The following IGSF10 variants were observed in gnomAD, a reference collection of about 807,000 sequenced individuals.
IGSF10 encodes calvaria mechanical force protein 608.
Under a neutral mutation model 128.2 loss-of-function variants are expected in IGSF10, and 126 were observed. The ratio of observed to expected loss-of-function variants is 0.98; its 90% CI spans 0.85 to 1.14. The LOEUF is 1.14. IGSF10 is among the 50% of genes most tolerant of loss of function. The pLI is 0.00. For synonymous variants in IGSF10, 1,185 were observed against 1,146.2 expected, an observed-to-expected ratio of 1.03 and a Z score of -0.68; for missense variants, 3,295 against 3,149.8, an observed-to-expected ratio of 1.05 and a Z score of -1.10.
chr3:151,441,674 C>A (rs1240203639), intron 7 of IGSF10, among the ~76,000 whole-genome samples: 5 of 151,842 alleles, frequency 3.3e-5, no homozygotes, highest in South Asian at 2.1e-4. Flanking sequence ...AATGGAAAAC[C>A]ATTGTGTAAA....
the IGSF10 span, among the ~76,000 whole-genome samples, chr3:151,537,902 T>TA: frequency 6.6e-6 from 1 of 152,184 alleles, no homozygotes; most frequent in Non-Finnish European, 1.5e-5. Context: ...ATTATAGACA[T>TA]ACGTTCTTTC....
At chr3:151,560,305 T>C in the IGSF10 span, among the ~76,000 whole-genome samples, 1,695 of 152,148 alleles carry the variant, frequency 0.011, 30 homozygotes, top group African/African-American at 0.038. Flanking sequence ...AGACAACTTT[T>C]ATTCACCATA....
At chr3:151,549,395 T>G in the IGSF10 span, among the ~76,000 whole-genome samples, 1 of 152,232 alleles carries the variant, frequency 6.6e-6, no homozygotes, top group East Asian at 1.9e-4. Flanking sequence ...GTTGTTTAGC[T>G]GCATGGACTT....
At position 151,443,793 on chromosome 3, in the gene IGSF10, G is replaced by A. The variant is rs759777108; in HGVS notation, c.5154C>T (p.Arg1718=). 15 of 1,614,020 alleles carry A rather than the reference G, an allele frequency of 9.3e-6. No individual in the cohort carries two copies. Among genetic ancestry groups the A allele is most frequent in the Non-Finnish European group, 1.1e-5 (13 of 1,180,026 alleles). ...TGGATGCGGAACACAAGTACTGTCC[G>A]CGGTCCTGAATTTCCACCCTCTGGA... ...LSIQRVEIQD[R]GQYLCSASNL... Residue 1718 remains arginine, a synonymous_variant, in exon 7 of 8, where the codon CGC becomes CGT. Coordinates refer to ENST00000282466, the MANE Select transcript of IGSF10 (RefSeq NM_178822.5).
the IGSF10 span, among the ~76,000 whole-genome samples, chr3:151,572,917 G>T: frequency 2.0e-5 from 3 of 152,076 alleles, no homozygotes; most frequent in Non-Finnish European, 4.4e-5. Context: ...CTGGTATGTT[G>T]TGTCGTTGTG....
At chr3:151,597,576 A>G in the IGSF10 span, among the ~76,000 whole-genome samples, 1 of 152,220 alleles carries the variant, frequency 6.6e-6, no homozygotes, top group Non-Finnish European at 1.5e-5. Context: ...GGCACATAGA[A>G]ACCCATAAAT....
At chr3:151,552,855 G>A in the IGSF10 span, among the ~76,000 whole-genome samples, 1 of 152,244 alleles carries the variant, frequency 6.6e-6, no homozygotes, top group East Asian at 1.9e-4. Flanking sequence ...AATTAGTCAT[G>A]ATAGGCCTTC....
chr3:151,539,118 C>T, the IGSF10 span, among the ~76,000 whole-genome samples: 8 of 152,140 alleles, frequency 5.3e-5, no homozygotes. Flanking sequence ...TAAGGCTAGA[C>T]CTGCAAATAC....
the IGSF10 span, among the ~76,000 whole-genome samples, chr3:151,614,507 T>C: frequency 6.6e-6 from 1 of 152,192 alleles, no homozygotes; most frequent in African/African-American, 2.4e-5. Context: ...TATGATGAGT[T>C]CATGTCCTTT....
chr3:151,531,313 C>T, the IGSF10 span, among the ~76,000 whole-genome samples: 2 of 152,168 alleles, frequency 1.3e-5, no homozygotes, highest in African/African-American at 2.4e-5. Context: ...AGGACTTGAA[C>T]TCACCTCTGG....
At chr3:151,496,071 A>C in the IGSF10 span, among the ~76,000 whole-genome samples, 5 of 152,032 alleles carry the variant, frequency 3.3e-5, no homozygotes, top group Non-Finnish European at 7.4e-5. Context: ...GTTGAATATA[A>C]GGCCTTTCTA....
chr3:151,542,912 T>C, the IGSF10 span, among the ~76,000 whole-genome samples: 1 of 152,352 alleles, frequency 6.6e-6, no homozygotes, highest in East Asian at 1.9e-4. Context: ...TAGCTTTTTT[T>C]CTGACATTGC....
the IGSF10 span, among the ~76,000 whole-genome samples, chr3:151,508,543 G>T: frequency 6.6e-6 from 1 of 152,078 alleles, no homozygotes; most frequent in Non-Finnish European, 1.5e-5. Flanking sequence ...AAGAGTACAG[G>T]TTTTTGTTTT....
the IGSF10 span, among the ~76,000 whole-genome samples, chr3:151,604,379 G>C: frequency 6.6e-6 from 1 of 151,868 alleles, no homozygotes; most frequent in Non-Finnish European, 1.5e-5. Context: ...GCAAATACGT[G>C]ATTCATTCAA....
chr3:151,613,771 A>T, the IGSF10 span, among the ~76,000 whole-genome samples: 12 of 152,216 alleles, frequency 7.9e-5, no homozygotes, highest in South Asian at 2.1e-4. Flanking sequence ...ATGGGCAAGG[A>T]CTTCATGTCT....
chr3:151,462,974 G>A (rs949404360), upstream of IGSF10, among the ~76,000 whole-genome samples: 1 of 152,150 alleles, frequency 6.6e-6, no homozygotes, highest in Non-Finnish European at 1.5e-5. Context: ...TCATGGCTTC[G>A]TATTCTTTAG....
the IGSF10 span, among the ~76,000 whole-genome samples, chr3:151,500,465 G>T: frequency 6.6e-6 from 1 of 152,096 alleles, no homozygotes. Flanking sequence ...AAATAAGAAA[G>T]CTCAGATACA....
At chr3:151,590,443 T>C in the IGSF10 span, among the ~76,000 whole-genome samples, 4 of 152,200 alleles carry the variant, frequency 2.6e-5, no homozygotes, top group African/African-American at 9.7e-5. Flanking sequence ...GAAGAGCCCT[T>C]GAAATATTTC....
the IGSF10 span, among the ~76,000 whole-genome samples, chr3:151,619,810 T>C: frequency 6.6e-6 from 1 of 152,262 alleles, no homozygotes; most frequent in East Asian, 1.9e-4. Flanking sequence ...GATAGGTTAA[T>C]GGGTTAATAG....
Sources: allele counts gnomAD v4.1 joint callset (sites outside exome capture counted in the v4.1 genomes callset), GRCh38; gene constraint gnomAD v4.1.1; transcripts MANE v1.5; gene names NCBI Gene and HGNC (gene_info 2026-07-23, HGNC 2026-07-21).